Variants in MROH7 observed in about 807,000 individuals in gnomAD.
The protein encoded by MROH7 is maestro heat-like repeat-containing protein family member 7.
In MROH7, 113 loss-of-function variants were observed where a neutral mutation model predicts 129.2. The observed-to-expected ratio is 0.87, with a 90% CI of 0.75 to 1.02. The LOEUF is 1.02. Among genes scored for constraint, MROH7 ranks in the 50% least tolerant of loss-of-function variants. The pLI, the probability that MROH7 is intolerant of heterozygous loss-of-function variation, is 0.00. For synonymous variants in MROH7, 655 were observed against 667.9 expected (o/e 0.98, Z 0.30); for missense variants, 1,601 against 1,671.3 (o/e 0.96, Z 0.73).
intron 7 of MROH7, among the ~76,000 whole-genome samples, chr1:54,672,224 T>C (rs1337200477): frequency 1.3e-5 from 2 of 151,712 alleles, no homozygotes; most frequent in East Asian, 1.9e-4. Flanking sequence ...CAGTGCTGCA[T>C]AGTAATCTGC....
At chr1:54,664,950 T>C (rs1158729871) in intron 3 of MROH7, among the ~76,000 whole-genome samples, 1 of 152,106 alleles carries the variant, frequency 6.6e-6, no homozygotes, top group Non-Finnish European at 1.5e-5. Flanking sequence ...AGTTGAAGTT[T>C]GCAGTGAGCC....
rs1043595970 is a variant in MROH7, at chr1:54,667,274, G to A, written c.1306-1580G>A. ...CCATCCCTCTGTCATCACTCTTACAGTTTAAGTTACCTATTGCTATTTAAC... is the reference window on the plus strand; with the variant it reads ...CCATCCCTCTGTCATCACTCTTACAATTTAAGTTACCTATTGCTATTTAAC... On this transcript the variant is annotated intron_variant, in intron 4 of 23. Transcript: ENST00000421030. Among the ~76,000 whole-genome samples, 6 of 152,112 alleles carry A rather than the reference G, an allele frequency of 3.9e-5. No individual in the cohort carries two copies. The East Asian group carries it at 1.2e-3, about 29-fold the overall frequency.
chr1:54,642,057 G>A (rs1644396740), intron 1 of MROH7, 89 bp downstream of exon 1: 1 of 152,280 alleles, frequency 6.6e-6, no homozygotes, highest in Admixed American at 6.5e-5. Flanking sequence ...GGGAGTTGGG[G>A]GGAGGTGAGG....
rs183859460 is a variant in MROH7 at position 54,664,617 on chromosome 1, G to T, written c.1232-550G>T. ...GGGCAGGGCACAGCCGACCAGGCAG[G>T]GCATTGAGGGTCTTGGCAAGGATGC... On this transcript the variant is annotated intron_variant, in intron 3 of 23. Transcript: ENST00000421030. 1.1e-3 allele frequency among the ~76,000 whole-genome samples: 172 copies of T among 152,364 alleles called. 1 individual carries two copies. Among genetic ancestry groups the T allele is most frequent in the Admixed American group, 9.1e-3 (140 of 15,306 alleles).
At position 54,701,322 on chromosome 1, in the gene MROH7, C is replaced by T. The variant is rs200991427; in HGVS notation, c.3285C>T (p.Asp1095=). 2.9e-4 allele frequency: 461 copies of T among 1,585,160 alleles called. 1 individual carries two copies. Among genetic ancestry groups the T allele is most frequent in the Middle Eastern group, 3.4e-4 (2 of 5,872 alleles). The change falls in exon 19 of 24, where the codon GAC becomes GAT. Residue 1095 remains aspartate, a splice_region_variant and synonymous_variant. Coordinates refer to ENST00000421030, the MANE Select transcript of MROH7 (RefSeq NM_001039464.4). The stretch of plus-strand genomic sequence containing the variant: ...AGATCCTGCTGCCGCACTTCAGCGA[C>T]GTGAGGACCTCACAGAGCGAAGGAG... ...MLQILLPHFS[D]AREVVRSSCI...
chr1:54,649,443 G>A (rs1644522240), intron 1 of MROH7, among the ~76,000 whole-genome samples: 1 of 152,264 alleles, frequency 6.6e-6, no homozygotes, highest in Non-Finnish European at 1.5e-5. Context: ...CTAATGCACA[G>A]TGTCTGTTTG....
intron 1 of MROH7, among the ~76,000 whole-genome samples, chr1:54,644,670 T>TAA (rs199635838): frequency 5.9e-4 from 86 of 145,452 alleles, no homozygotes; most frequent in Middle Eastern, 3.5e-3. Flanking sequence ...TTTTTTAATG[T>TAA]AAAAAAAAAA....
At chr1:54,677,587 C>T (rs1645002177) in intron 10 of MROH7, among the ~76,000 whole-genome samples, 1 of 152,184 alleles carries the variant, frequency 6.6e-6, no homozygotes, top group Non-Finnish European at 1.5e-5. Context: ...CTGAGTTGGC[C>T]TGACTGCAGG....
At chr1:54,680,840 C>A (rs1442483273) in intron 13 of MROH7, among the ~76,000 whole-genome samples, 1 of 152,214 alleles carries the variant, frequency 6.6e-6, no homozygotes, top group East Asian at 1.9e-4. Context: ...CAGTTGATGT[C>A]ATTCATAGGA....
intron 14 of MROH7, among the ~76,000 whole-genome samples, chr1:54,685,604 G>C (rs1645135812): frequency 6.6e-6 from 1 of 152,186 alleles, no homozygotes; most frequent in African/African-American, 2.4e-5. Flanking sequence ...CCCAGGCCAG[G>C]TCCAGAGCTG....
At chr1:54,697,494 G>A (rs1645342326) in intron 17 of MROH7, 9 of 520,172 alleles carry the variant, frequency 1.7e-5, no homozygotes, top group African/African-American at 1.9e-5. Context: ...TTGGGGTCGG[G>A]AGTCCTGGGT....
In MROH7 at chr1:54,670,485, C is replaced by A; in HGVS notation, c.1390-12C>A. The stretch of plus-strand genomic sequence containing the variant: ...CCTGTCCTCATCGGCCCTTCTGTGG[C>A]CCCCTGTCCAGAGGCAGATCCAGGA... On this transcript the variant is annotated splice_polypyrimidine_tract_variant and intron_variant, in intron 5 of 23. Coordinates refer to ENST00000421030, the MANE Select transcript of MROH7 (RefSeq NM_001039464.4). The A allele has an allele frequency of 1.2e-6, 2 of 1,612,182 alleles. No homozygotes were observed. The highest frequency in any genetic ancestry group is 1.7e-6 in the Non-Finnish European group (2 of 1,178,770).
At chr1:54,663,805 G>A (rs750375448) in intron 3 of MROH7, 17 of 453,326 alleles carry the variant, frequency 3.8e-5, no homozygotes, top group South Asian at 2.5e-4. Context: ...TCCTGGAATC[G>A]ACCTTTTCTC....
chr1:54,676,944 T>C (rs1327422375), intron 10 of MROH7, among the ~76,000 whole-genome samples: 6 of 152,106 alleles, frequency 3.9e-5, no homozygotes, highest in Admixed American at 3.9e-4. Context: ...CCTGACTTCA[T>C]GATCCGTCCC....
chr1:54,649,429 C>T (rs1644521539), intron 1 of MROH7, among the ~76,000 whole-genome samples: 1 of 152,266 alleles, frequency 6.6e-6, no homozygotes, highest in African/African-American at 2.4e-5. Context: ...AGCCACGGCT[C>T]CTCCTAATGC....
At chr1:54,664,842 T>C (rs1644786105) in intron 3 of MROH7, among the ~76,000 whole-genome samples, 1 of 152,074 alleles carries the variant, frequency 6.6e-6, no homozygotes, top group Non-Finnish European at 1.5e-5. Flanking sequence ...TGAAACCCCA[T>C]CTCTACTAAA....
chr1:54,677,219 T>TCTCTA (rs1232062725), intron 10 of MROH7, among the ~76,000 whole-genome samples: 2 of 152,054 alleles, frequency 1.3e-5, no homozygotes, highest in East Asian at 3.9e-4. Flanking sequence ...GCCAACAAGG[T>TCTCTA]GACACCCTGT....
At chr1:54,678,667 T>G in intron 10 of MROH7, 75 bp from the exon 11 acceptor site, 4 of 978,672 alleles carry the variant, frequency 4.1e-6, no homozygotes, top group Non-Finnish European at 6.6e-6. Flanking sequence ...TTCCTTATGA[T>G]GTAGGGACTT....
intron 17 of MROH7, chr1:54,699,121 T>C (rs531365436): frequency 2.2e-5 from 2 of 89,340 alleles, no homozygotes; most frequent in East Asian, 6.2e-4. Flanking sequence ...TTTCTTTCTT[T>C]CTTTCTTTCT....
Sources: gnomAD v4.1 joint callset for allele counts (sites outside exome capture counted in the v4.1 genomes callset) on GRCh38, gnomAD v4.1.1 for gene constraint, MANE v1.5 for transcripts, NCBI Gene and HGNC (gene_info 2026-07-23, HGNC 2026-07-21) for gene names.